The following DST variants were observed in gnomAD, a reference collection of about 807,000 sequenced individuals.
The protein encoded by DST is dystonin, also known as bullous pemphigoid antigen.
In DST, 253 loss-of-function variants were observed where a neutral mutation model predicts 875.2. The ratio of observed to expected loss-of-function variants is 0.29; its 90% CI spans 0.26 to 0.32. The LOEUF is 0.32. Among genes scored for constraint, DST ranks in the 10% least tolerant of loss-of-function variants. The pLI, the probability that DST is intolerant of heterozygous loss-of-function variation, is 1.00. For missense variants in DST, 8,287 were observed against 9,111.6 expected (o/e 0.91, Z 3.68); for synonymous variants, 3,124 against 3,197.1 (o/e 0.98, Z 0.77).
chr6:56,871,943 C>T (rs1477881613), intron 3 of DST, among the ~76,000 whole-genome samples: 2 of 152,138 alleles, frequency 1.3e-5, no homozygotes, highest in Non-Finnish European at 2.9e-5. Flanking sequence ...TCCTCATGCT[C>T]GCTTAGACGT....
At position 56,557,478 on chromosome 6, in the gene DST, T is replaced by C; in HGVS notation, c.14481A>G (p.Arg4827=). The part of the protein sequence containing the change: ...WQELNQLTID[R]QQKLEESSNN... The stretch of plus-strand genomic sequence containing the variant: ...TGGAGGATTCTTCCAGTTTTTGTTG[T>C]CTATCAATTGTTAATTGATTGAGTT... Residue 4827 remains arginine, a synonymous_variant, in exon 59 of 104, where the codon AGA becomes AGG. Transcript: ENST00000680361. The C allele has an allele frequency of 6.2e-7, 1 of 1,613,582 alleles. No homozygotes were observed. Among genetic ancestry groups the C allele is most frequent in the Non-Finnish European group, 8.5e-7 (1 of 1,179,604 alleles).
chr6:56,748,350 A>C (rs1253573539), intron 4 of DST, among the ~76,000 whole-genome samples: 1 of 152,172 alleles, frequency 6.6e-6, no homozygotes, highest in Admixed American at 6.5e-5. Context: ...ACATAAACCT[A>C]GGTTCAAATA....
chr6:56,602,595 T>C (rs1289731366), intron 43 of DST, among the ~76,000 whole-genome samples: 2 of 151,974 alleles, frequency 1.3e-5, no homozygotes, highest in East Asian at 1.9e-4. Flanking sequence ...GGCTAATTCA[T>C]ACTATTATAT....
intron 4 of DST, among the ~76,000 whole-genome samples, chr6:56,818,424 T>G (rs945693472): frequency 3.3e-4 from 50 of 152,090 alleles, no homozygotes; most frequent in Non-Finnish European, 1.5e-4. Context: ...TCTTTTATTA[T>G]AATACATTGA....
chr6:56,692,875 C>A (rs754407130), intron 9 of DST: 8 of 1,289,680 alleles, frequency 6.2e-6, no homozygotes, highest in Non-Finnish European at 1.0e-6. Context: ...AATACCATCT[C>A]CCAGTGCAGA....
In DST at chr6:56,609,275, A is replaced by C; in HGVS notation, c.5353T>G (p.Leu1785Val). The change falls in exon 40 of 104, where the codon TTA becomes GTA. Residue 1785 changes from leucine to valine, a missense_variant. By Grantham distance (32) the Leu-to-Val change is conservative. Coordinates refer to ENST00000680361, the MANE Select transcript of DST (RefSeq NM_001374736.1). ...GTGTCATAGTCAATGAGGCCTCTTA[A>C]AACTGCTTGAAAGACTGAAAGGACT... ...GEVLSVFQAV[L>V]RGLIDYDTGI... 1 of 1,613,606 alleles carries C rather than the reference A, an allele frequency of 6.2e-7. No individual in the cohort carries two copies. Among genetic ancestry groups the C allele is most frequent in the Non-Finnish European group, 8.5e-7 (1 of 1,179,700 alleles).
At chr6:56,479,827 C>T (rs907836138) in intron 90 of DST, among the ~76,000 whole-genome samples, 3 of 152,154 alleles carry the variant, frequency 2.0e-5, no homozygotes, top group African/African-American at 4.8e-5. Flanking sequence ...TATTGGGTAC[C>T]GTGTTTAACA....
Position 56,603,546 on chromosome 6 carries a change from G to GACTAC in DST, c.10941+17_10941+18insGTAGT. 1 of 1,600,372 alleles carries GACTAC rather than the reference G, an allele frequency of 6.2e-7. No individual in the cohort carries two copies. The highest frequency in any genetic ancestry group is 1.1e-5 in the South Asian group (1 of 88,870). On this transcript the variant is annotated intron_variant, in intron 41 of 103. Transcript: ENST00000680361. ...TCAGCTGACTACCATCCATAAAGAGGCAGTAGACAATTCTTACCTCCAACT... is the reference window on the plus strand; with the variant it reads ...TCAGCTGACTACCATCCATAAAGAGGACTACCAGTAGACAATTCTTACCTCCAACT...
intron 51 of DST, 49 bp from the exon 52 acceptor site, chr6:56,573,113 A>G (rs1279641292): frequency 1.4e-6 from 2 of 1,407,890 alleles, no homozygotes; most frequent in East Asian, 2.5e-5. Context: ...GCTTATAAAT[A>G]ATGTGACAGA....
chr6:56,827,506 C>CAAAAAAA (rs779051829), intron 4 of DST, among the ~76,000 whole-genome samples: 1 of 58,776 alleles, frequency 1.7e-5, no homozygotes, highest in African/African-American at 5.6e-5. Flanking sequence ...GACTCCGTCT[C>CAAAAAAA]AAAAAAAAAA....
chr6:56,590,019 G>A (rs1389602131), intron 49 of DST, among the ~76,000 whole-genome samples: 1 of 152,098 alleles, frequency 6.6e-6, no homozygotes, highest in African/African-American at 2.4e-5. Flanking sequence ...AAGAAATGGA[G>A]GCCACCTAAT....
At position 56,631,135 on chromosome 6, in the gene DST, T is replaced by C. The variant is rs898597456; in HGVS notation, c.4142+76A>G. 4.8e-6 allele frequency: 3 copies of C among 619,000 alleles called. No individual in the cohort carries two copies. The African/African-American group carries it at 5.9e-5, about 12-fold the overall frequency. 38.3% of individuals were successfully genotyped at this position (619,000 alleles called of 1,614,324 possible). A position where few individuals can be genotyped will look rare whatever the true frequency, so the allele number is the denominator to read the frequency against. On this transcript the variant is annotated intron_variant, in intron 30 of 103. Coordinates refer to ENST00000680361, the MANE Select transcript of DST (RefSeq NM_001374736.1). ...AAGTTAATATTTATATTAATAAAAA[T>C]AAAATTTTAAATTAATAGTAAATAA...
Position 56,527,653 on chromosome 6 carries a change from A to T in DST, c.17762T>A (p.Val5921Glu). The T allele has an allele frequency of 6.2e-7, 1 of 1,613,808 alleles. No homozygotes were observed. Among genetic ancestry groups the T allele is most frequent in the Non-Finnish European group, 8.5e-7 (1 of 1,179,840 alleles). Reference sequence around the variant, plus strand: ...CAGCGCCTGTTCCAGAGTCTTGGCCACATCAGTGCTCAGTTTAGTAATGTC... The same window carrying T: ...CAGCGCCTGTTCCAGAGTCTTGGCCTCATCAGTGCTCAGTTTAGTAATGTC... ...YKDITKLSTD[V>E]AKTLEQALQL... Residue 5921 changes from valine to glutamate, a missense_variant, in exon 68 of 104, where the codon GTG (valine) becomes GAG (glutamate). Coordinates refer to ENST00000680361, the MANE Select transcript of DST (RefSeq NM_001374736.1).
chr6:56,619,534 ATTC>A (rs779223068), intron 36 of DST: 1 of 1,613,492 alleles, frequency 6.2e-7, no homozygotes, highest in Non-Finnish European at 8.5e-7. Context: ...AATGCTGAAT[ATTC>A]TTCTCAGCTA....
rs2096871655 is a variant in DST at position 56,530,222 on chromosome 6, A to C, written c.17109-89T>G. The C allele has an allele frequency of 3.0e-6, 3 of 994,242 alleles. No individual in the cohort carries two copies. In the Admixed American group the frequency reaches 1.1e-4, roughly 35 times the overall value. 61.6% of individuals were successfully genotyped at this position (994,242 alleles called of 1,614,324 possible). On this transcript the variant is annotated intron_variant, in intron 64 of 103. Coordinates refer to ENST00000680361, the MANE Select transcript of DST (RefSeq NM_001374736.1). Reference sequence around the variant, plus strand: ...CAGTCATGCTCTTGCAATCTATTCTAAACATTTTCTGTAGAAACTATCTAA... The same window carrying C: ...CAGTCATGCTCTTGCAATCTATTCTCAACATTTTCTGTAGAAACTATCTAA...
intron 3 of DST, among the ~76,000 whole-genome samples, chr6:56,852,372 T>A (rs1273796514): frequency 6.6e-6 from 1 of 152,234 alleles, no homozygotes; most frequent in Non-Finnish European, 1.5e-5. Flanking sequence ...TAAATGAGAA[T>A]GATGCTGCGC....
intron 4 of DST, chr6:56,843,584 C>CGCGGCA: frequency 3.0e-6 from 3 of 984,014 alleles, no homozygotes; most frequent in South Asian, 4.7e-5. Flanking sequence ...GGGCCGAGGC[C>CGCGGCA]GCGGCAGCGG....
chr6:56,727,504 T>C (rs924219057), intron 5 of DST, among the ~76,000 whole-genome samples: 3 of 152,210 alleles, frequency 2.0e-5, no homozygotes, highest in East Asian at 1.9e-4. Context: ...AAGTGTAATT[T>C]TTTTTCTTCT....
chr6:56,814,451 G>A (rs563600304), intron 4 of DST, among the ~76,000 whole-genome samples: 39 of 152,284 alleles, frequency 2.6e-4, no homozygotes, highest in African/African-American at 8.2e-4. Context: ...AGCAGAGACC[G>A]TCCTGGTGAC....
Sources: gnomAD v4.1 joint callset for allele counts (sites outside exome capture counted in the v4.1 genomes callset) on GRCh38, gnomAD v4.1.1 for gene constraint, MANE v1.5 for transcripts, NCBI Gene and HGNC (gene_info 2026-07-23, HGNC 2026-07-21) for gene names.